Variants in PPP2R2A observed in about 807,000 individuals in gnomAD.
The protein encoded by PPP2R2A is protein phosphatase 2 regulatory subunit Balpha.
Under a neutral mutation model 53.2 loss-of-function variants are expected in PPP2R2A, and 9 were observed. The ratio of observed to expected loss-of-function variants is 0.17; its 90% CI spans 0.10 to 0.30. The LOEUF (loss-of-function observed/expected upper bound fraction) is 0.30, where lower values mean the gene tolerates loss of function less well. Ranked by LOEUF, PPP2R2A falls within the 10% of genes least tolerant of loss-of-function variation. The pLI is 1.00. For synonymous variants in PPP2R2A, 169 were observed against 174.2 expected, an observed-to-expected ratio of 0.97 and a Z score of 0.23; for missense variants, 235 against 534.6, an observed-to-expected ratio of 0.44 and a Z score of 5.53.
intron 2 of PPP2R2A, among the ~76,000 whole-genome samples, chr8:26,318,775 A>G (rs1486417560): frequency 6.6e-6 from 1 of 152,198 alleles, no homozygotes; most frequent in East Asian, 1.9e-4. Context: ...TGGATATTTG[A>G]TAACATTAAG....
chr8:26,300,730 T>TA (rs1218015243), intron 2 of PPP2R2A, among the ~76,000 whole-genome samples: 1 of 152,280 alleles, frequency 6.6e-6, no homozygotes, highest in East Asian at 1.9e-4. Flanking sequence ...GGTGCGCGCC[T>TA]GTTGTCCCAG....
chr8:26,309,498 C>G (rs898188319), intron 2 of PPP2R2A, among the ~76,000 whole-genome samples: 32 of 152,130 alleles, frequency 2.1e-4, no homozygotes, highest in African/African-American at 7.5e-4. Context: ...GCTGCATTAG[C>G]CCCTAACAAA....
chr8:26,292,311 G>A, intron 1 of PPP2R2A: 1 of 988,726 alleles, frequency 1.0e-6, no homozygotes, highest in Non-Finnish European at 1.2e-6. Flanking sequence ...AAAATACAGT[G>A]GGGGCATATG....
In PPP2R2A at chr8:26,370,555, T is replaced by C. The variant is rs772984241; in HGVS notation, c.*142T>C. ...TGTGCCATTCGACAACACATTGTTA[T>C]AGCTACATGGAGAAAGCTCTGTGGA... On this transcript the variant is annotated 3_prime_UTR_variant, in exon 10 of 10. Transcript: ENST00000380737. This position sits in a 1 kb window ranked among gnomAD's most constrained non-coding sequence, Gnocchi z 6.1. 82 of 917,236 alleles carry C rather than the reference T, an allele frequency of 8.9e-5. No homozygotes were observed. Among genetic ancestry groups the C allele is most frequent in the South Asian group, 1.5e-4 (9 of 59,148 alleles). 56.8% of individuals were successfully genotyped at this position (917,236 alleles called of 1,614,324 possible). A position where few individuals can be genotyped will look rare whatever the true frequency, so the allele number is the denominator to read the frequency against.
At chr8:26,352,188 G>A (rs1027151632) in intron 3 of PPP2R2A, among the ~76,000 whole-genome samples, 1 of 152,300 alleles carries the variant, frequency 6.6e-6, no homozygotes, top group East Asian at 1.9e-4. Context: ...TGTAGGAGAG[G>A]TTTTTAAAAC....
intron 2 of PPP2R2A, among the ~76,000 whole-genome samples, chr8:26,324,371 T>C (rs571912135): frequency 1.8e-4 from 27 of 152,232 alleles, no homozygotes; most frequent in Admixed American, 3.3e-4. Flanking sequence ...GTAAGATCCA[T>C]GAGAGCAGGG....
At chr8:26,355,772 A>G (rs1804746922) in intron 4 of PPP2R2A, among the ~76,000 whole-genome samples, 1 of 151,278 alleles carries the variant, frequency 6.6e-6, no homozygotes, top group Non-Finnish European at 1.5e-5. Context: ...GGGGGTGCTG[A>G]GGCAGGAGAA....
At chr8:26,367,497 A>T (rs1805438263) in intron 9 of PPP2R2A, among the ~76,000 whole-genome samples, 1 of 152,192 alleles carries the variant, frequency 6.6e-6, no homozygotes, top group Non-Finnish European at 1.5e-5. Context: ...ACTTAGAGAA[A>T]ATTTGTTAGA....
chr8:26,348,001 T>C (rs1234267975), intron 3 of PPP2R2A, among the ~76,000 whole-genome samples: 1 of 152,210 alleles, frequency 6.6e-6, no homozygotes, highest in Non-Finnish European at 1.5e-5. Flanking sequence ...ATCATTTAAT[T>C]TTGTTTTGTA....
intron 2 of PPP2R2A, among the ~76,000 whole-genome samples, chr8:26,310,747 A>G (rs373369347): frequency 6.6e-5 from 10 of 151,906 alleles, no homozygotes; most frequent in South Asian, 2.1e-4. Flanking sequence ...ACTTCCTCCA[A>G]TAGTGAATGG....
intron 2 of PPP2R2A, among the ~76,000 whole-genome samples, chr8:26,324,149 A>G (rs950200404): frequency 6.6e-6 from 1 of 152,094 alleles, no homozygotes; most frequent in Non-Finnish European, 1.5e-5. Flanking sequence ...CTTTCCTTCA[A>G]CAAGTTTGGA....
At chr8:26,310,705 A>G (rs1288036030) in intron 2 of PPP2R2A, among the ~76,000 whole-genome samples, 1 of 151,334 alleles carries the variant, frequency 6.6e-6, no homozygotes, top group East Asian at 1.9e-4. Flanking sequence ...ATTTATTGCC[A>G]AATCACCATA....
At position 26,370,390 on chromosome 8, in the gene PPP2R2A, A is replaced by C; in HGVS notation, c.1321A>C (p.Ile441Leu). 6.2e-7 allele frequency: 1 copy of C among 1,614,188 alleles called. No homozygotes were observed. The highest frequency in any genetic ancestry group is 8.5e-7 in the Non-Finnish European group (1 of 1,180,016). ...IAVATTNNLY[I>L]FQDKVN ...CGTAGCTACTACAAACAATCTGTATATATTTCAAGACAAAGTGAATTAGGG... is the reference window on the plus strand; with the variant it reads ...CGTAGCTACTACAAACAATCTGTATCTATTTCAAGACAAAGTGAATTAGGG... The change falls in exon 10 of 10, where the codon ATA becomes CTA. Residue 441 changes from isoleucine (I) to leucine (L), a missense_variant. Around this residue, in one of 3 missense-constraint regions of PPP2R2A, gnomAD observed 181 missense variants for 409.9 expected, o/e 0.44. Coordinates refer to ENST00000380737, the MANE Select transcript of PPP2R2A (RefSeq NM_002717.4). The surrounding 1 kb of genome is among the most constrained non-coding windows in gnomAD (Gnocchi z 6.1).
In PPP2R2A at chr8:26,369,967, C is replaced by T. The variant is rs190065785; in HGVS notation, c.1065-167C>T. ...AAGCAGAAAACCCAGTTAATTAGTA[C>T]CGTATTTCTGGTTTATTCTAGTGAT... is the stretch of plus-strand genomic sequence containing the variant. On this transcript the variant is annotated intron_variant, in intron 9 of 9. Transcript: ENST00000380737. 3.3e-5 allele frequency among the ~76,000 whole-genome samples: 5 copies of T among 152,300 alleles called. No homozygotes were observed. The East Asian group carries it at 9.6e-4, about 29-fold the overall frequency.
intron 3 of PPP2R2A, among the ~76,000 whole-genome samples, chr8:26,351,452 G>T (rs1011692682): frequency 1.3e-5 from 2 of 152,206 alleles, no homozygotes; most frequent in Non-Finnish European, 2.9e-5. Flanking sequence ...TAGGTGTTCA[G>T]TGTGTGCCTA....
chr8:26,362,299 A>G lies in PPP2R2A; in HGVS notation c.638-385A>G, dbSNP rs1017965891. Among the ~76,000 whole-genome samples, 2 of 151,408 alleles carry G rather than the reference A, an allele frequency of 1.3e-5. No individual in the cohort carries two copies. Among genetic ancestry groups the G allele is most frequent in the African/African-American group, 2.4e-5 (1 of 41,220 alleles). On this transcript the variant is annotated intron_variant, in intron 6 of 9. Transcript: ENST00000380737. The surrounding 1 kb of genome is among the most constrained non-coding windows in gnomAD (Gnocchi z 4.4). ...ATCATGAGGTCAGGAGGTCGAGACC[A>G]GCCTGGCCAACATAGTGAAACCCCG...
chr8:26,331,111 T>C (rs958102355), intron 2 of PPP2R2A, among the ~76,000 whole-genome samples: 2 of 152,134 alleles, frequency 1.3e-5, no homozygotes, highest in African/African-American at 4.8e-5. Flanking sequence ...GATACCTTTT[T>C]TGGGGTACTC....
At chr8:26,368,538 T>C (rs1436588638) in intron 9 of PPP2R2A, among the ~76,000 whole-genome samples, 2 of 152,252 alleles carry the variant, frequency 1.3e-5, no homozygotes, top group East Asian at 1.9e-4. Context: ...CTGATACTTT[T>C]ATAAATATTT....
rs138931677 is a variant in PPP2R2A at position 26,304,781 on chromosome 8, T to C, written c.82+11041T>C. ...TATCAAGGCATGCAACATGCAAAAA[T>C]GTTTGTTAAAGGAATTGGTAGTAGC... On this transcript the variant is annotated intron_variant, in intron 2 of 9. Coordinates refer to ENST00000380737, the MANE Select transcript of PPP2R2A (RefSeq NM_002717.4). Among the ~76,000 whole-genome samples the C allele has an allele frequency of 2.5e-4, 38 of 152,294 alleles. No homozygotes were observed. In the East Asian group the frequency reaches 6.8e-3, roughly 27 times the overall value.
Sources: gnomAD v4.1 joint callset for allele counts (sites outside exome capture counted in the v4.1 genomes callset) on GRCh38, gnomAD v4.1.1 for gene constraint, gnomAD v4.1.1 regional missense constraint, Gnocchi (gnomAD v3.1) non-coding constraint, MANE v1.5 for transcripts, NCBI Gene and HGNC (gene_info 2026-07-23, HGNC 2026-07-21) for gene names.